DNAH3: variants seen among roughly 807,000 people sequenced by gnomAD.
DNAH3 encodes the protein axonemal beta dynein heavy chain 3.
A neutral mutation model predicts 432.5 loss-of-function variants in DNAH3; 332 were observed. The ratio of observed to expected loss-of-function variants is 0.77; its 90% CI spans 0.70 to 0.84. The LOEUF is 0.84. Ranked by LOEUF, DNAH3 falls within the 40% of genes least tolerant of loss-of-function variation. DNAH3 has a pLI of 0.00. For synonymous variants in DNAH3, 1,956 were observed against 1,900.2 expected, an observed-to-expected ratio of 1.03 and a Z score of -0.76; for missense variants, 4,861 against 5,114.0, an observed-to-expected ratio of 0.95 and a Z score of 1.51.
At chr16:21,097,479 C>T (rs747619187) in exon 18 of DNAH3, 4 of 1,613,740 alleles carry the variant, frequency 2.5e-6, no homozygotes, top group Non-Finnish European at 2.5e-6. Context: ...TTTCCAATAG[C>T]TCTTCCTCCT....
chr16:21,014,283 A>G (rs952333504), intron 41 of DNAH3, among the ~76,000 whole-genome samples: 1 of 152,232 alleles, frequency 6.6e-6, no homozygotes, highest in Non-Finnish European at 1.5e-5. Flanking sequence ...ATTCCAAGGT[A>G]TATAAGTCTG....
Position 20,992,856 on chromosome 16 carries a change from T to C in DNAH3, c.6601+4427A>G, listed in dbSNP as rs137999760. ...ATAAAACTTTTGCCTAACTTCTTTT[T>C]TTAGTTTTTGTTGTTGATTCATTCG... On this transcript the variant is annotated intron_variant, in intron 44 of 61. Transcript: ENST00000261383. Among the ~76,000 whole-genome samples, 263 of 152,266 alleles carry C rather than the reference T, an allele frequency of 1.7e-3. 4 individuals are homozygous for C. The East Asian group carries it at 0.046, about 26-fold the overall frequency.
At chr16:21,117,971 C>T (rs1597412403) in intron 11 of DNAH3, among the ~76,000 whole-genome samples, 1 of 152,106 alleles carries the variant, frequency 6.6e-6, no homozygotes, top group East Asian at 1.9e-4. Context: ...TAAACTACTT[C>T]TCTCGTGGGT....
intron 53 of DNAH3, among the ~76,000 whole-genome samples, chr16:20,960,794 C>A (rs749271108): frequency 6.6e-6 from 1 of 152,146 alleles, no homozygotes; most frequent in Non-Finnish European, 1.5e-5. Context: ...TGGTCTGGAG[C>A]CTGGATGGAA....
chr16:20,938,500 G>A (rs575227561), intron 59 of DNAH3, among the ~76,000 whole-genome samples: 2 of 152,016 alleles, frequency 1.3e-5, no homozygotes, highest in African/African-American at 4.8e-5. Flanking sequence ...TATACCTAAA[G>A]ACCTACTTGC....
intron 18 of DNAH3, among the ~76,000 whole-genome samples, chr16:21,091,492 C>G (rs1487476850): frequency 1.3e-5 from 2 of 152,068 alleles, no homozygotes; most frequent in Non-Finnish European, 2.9e-5. Flanking sequence ...AATCACTTTC[C>G]AAGATAGCAT....
intron 41 of DNAH3, among the ~76,000 whole-genome samples, chr16:21,013,440 G>C (rs2087703908): frequency 6.6e-6 from 1 of 152,040 alleles, no homozygotes; most frequent in Admixed American, 6.6e-5. Context: ...CAAGAATGAG[G>C]CTGGGCGCAG....
chr16:20,935,253 C>A (rs1295461557), intron 61 of DNAH3, 95 bp downstream of exon 61: 2 of 1,479,692 alleles, frequency 1.4e-6, no homozygotes, highest in Non-Finnish European at 1.9e-6. Context: ...GCATTTGGGT[C>A]TTAACACATC....
At chr16:20,949,280 A>AT (rs1406676383) in intron 56 of DNAH3, among the ~76,000 whole-genome samples, 10 of 150,922 alleles carry the variant, frequency 6.6e-5, no homozygotes, top group Admixed American at 4.6e-4. Context: ...AAAAAAAAAA[A>AT]AAAAGACCTG....
At chr16:21,146,846 T>C (rs2092790892) in intron 1 of DNAH3, among the ~76,000 whole-genome samples, 3 of 151,770 alleles carry the variant, frequency 2.0e-5, no homozygotes, top group African/African-American at 7.3e-5. Context: ...ATGCAACCTC[T>C]GCCTCCGGGG....
chr16:21,000,396 G>A (rs372589881), exon 43 of DNAH3: 29 of 1,614,058 alleles, frequency 1.8e-5, no homozygotes, highest in African/African-American at 4.0e-5. Flanking sequence ...AGTTGTTGGT[G>A]ATGGCTGATT....
chr16:20,983,014 T>A, intron 48 of DNAH3, 128 bp from the exon 49 acceptor site: 1 of 923,584 alleles, frequency 1.1e-6, no homozygotes, highest in Non-Finnish European at 1.7e-6. Context: ...TCCAGGGATG[T>A]GACTGTCAAT....
chr16:21,111,236 T>A (rs994795655), intron 14 of DNAH3, among the ~76,000 whole-genome samples: 2 of 151,942 alleles, frequency 1.3e-5, no homozygotes, highest in African/African-American at 4.8e-5. Context: ...TGCCTAGGAG[T>A]GATTCTAAGG....
At chr16:21,091,808 T>C (rs1255432853) in intron 18 of DNAH3, among the ~76,000 whole-genome samples, 2 of 151,232 alleles carry the variant, frequency 1.3e-5, no homozygotes, top group African/African-American at 4.9e-5. Flanking sequence ...AGAATAAGAC[T>C]CTGTCTCAAA....
At chr16:21,037,819 C>T (rs551958524) in exon 34 of DNAH3, 13 of 1,613,990 alleles carry the variant, frequency 8.1e-6, no homozygotes, top group East Asian at 2.2e-5. Flanking sequence ...AAGCAATGCC[C>T]GGAGCAGCAG....
chr16:20,963,513 C>G, exon 53 of DNAH3: 1 of 1,614,052 alleles, frequency 6.2e-7, no homozygotes, highest in Non-Finnish European at 8.5e-7. Context: ...GGAGTTGCTC[C>G]TCATGGGGCC....
In DNAH3 at chr16:20,987,676, A is replaced by G; in HGVS notation, c.6882+17T>C. Reference sequence around the variant, plus strand: ...GATATGCTGAATGATCTTGGTAGTAAAATGATAGTGGCTGACCTGCAGGTG... The same window carrying G: ...GATATGCTGAATGATCTTGGTAGTAGAATGATAGTGGCTGACCTGCAGGTG... On this transcript the variant is annotated intron_variant, in intron 46 of 61. Transcript: ENST00000261383. The G allele has an allele frequency of 6.2e-7, 1 of 1,610,886 alleles. No individual in the cohort carries two copies. Among genetic ancestry groups the G allele is most frequent in the Non-Finnish European group, 8.5e-7 (1 of 1,177,368 alleles).
intron 20 of DNAH3, among the ~76,000 whole-genome samples, chr16:21,079,007 C>T (rs1007844282): frequency 6.6e-6 from 1 of 152,226 alleles, no homozygotes; most frequent in African/African-American, 2.4e-5. Flanking sequence ...AAGGAAACAA[C>T]TTAGCCAAGA....
At chr16:21,154,506 A>G (rs2092886131) in intron 1 of DNAH3, among the ~76,000 whole-genome samples, 1 of 152,228 alleles carries the variant, frequency 6.6e-6, no homozygotes, top group South Asian at 2.1e-4. Flanking sequence ...GTGTGTTTTA[A>G]GTCTACTAGT....
Sources: allele counts gnomAD v4.1 joint callset (sites outside exome capture counted in the v4.1 genomes callset), GRCh38; gene constraint gnomAD v4.1.1; transcripts MANE v1.5; gene names NCBI Gene and HGNC (gene_info 2026-07-23, HGNC 2026-07-21).